Variants in PI4KA observed in about 807,000 individuals in gnomAD.
PI4KA encodes the protein PI4-kinase alpha.
In PI4KA, 122 loss-of-function variants were observed where a neutral mutation model predicts 271.4. The ratio of observed to expected loss-of-function variants is 0.45; its 90% CI spans 0.39 to 0.52. The LOEUF (loss-of-function observed/expected upper bound fraction) is 0.52. Among genes scored for constraint, PI4KA ranks in the 20% least tolerant of loss-of-function variants. PI4KA has a pLI of 0.00. For missense variants in PI4KA, 1,969 were observed against 2,769.1 expected, an observed-to-expected ratio of 0.71 and a Z score of 6.48; for synonymous variants, 1,041 against 1,078.8, an observed-to-expected ratio of 0.96 and a Z score of 0.69.
At chr22:20,732,727 A>G (rs1244221767) in intron 36 of PI4KA, among the ~76,000 whole-genome samples, 1 of 152,156 alleles carries the variant, frequency 6.6e-6, no homozygotes, top group African/African-American at 2.4e-5. Flanking sequence ...CAGTGCAGGG[A>G]AAGTGCGGTG....
chr22:20,772,472 A>G (rs1932920276), intron 19 of PI4KA, among the ~76,000 whole-genome samples: 1 of 152,238 alleles, frequency 6.6e-6, no homozygotes, highest in South Asian at 2.1e-4. Flanking sequence ...TATGTGACAG[A>G]TGAAGGCTCT....
At chr22:20,792,771 T>C (rs553712439) in intron 19 of PI4KA, among the ~76,000 whole-genome samples, 1 of 152,266 alleles carries the variant, frequency 6.6e-6, no homozygotes, top group East Asian at 1.9e-4. Context: ...ACTGGGGCCA[T>C]AGCTCCGAGG....
chr22:20,818,412 T>C (rs1482075359), intron 7 of PI4KA, 71 bp downstream of exon 7: 3 of 1,157,442 alleles, frequency 2.6e-6, no homozygotes, highest in African/African-American at 1.6e-5. Context: ...ATCCTTAATA[T>C]CACGAGAAGT....
At chr22:20,818,598 CCATCAGATTTGTCTTAGACAAGGTCCT>C in intron 6 of PI4KA, 49 bp from the exon 7 acceptor site, 1 of 1,401,758 alleles carries the variant, frequency 7.1e-7, no homozygotes, top group Non-Finnish European at 9.6e-7. Flanking sequence ...AGTGAGACCT[CCATCAGATTTGTCTTAGACAAGGTCCT>C]CTCTGCCAGC....
chr22:20,805,065 C>A lies in PI4KA; in HGVS notation c.1269G>T (p.Arg423=). The change falls in exon 11 of 55, where the codon CGG becomes CGT. Residue 423 remains arginine, a synonymous_variant. Coordinates refer to ENST00000255882, the MANE Select transcript of PI4KA (RefSeq NM_058004.4). ...ELQKILHDAD[R]IHNELSPLKL... is the part of the protein sequence containing the mutation. ...TGAGGGGGCTCAGCTCATTGTGGAT[C>A]CGGTCTGCGTCATGTAGAATCTTCT... 3 of 1,614,132 alleles carry A rather than the reference C, an allele frequency of 1.9e-6. No homozygotes were observed. The highest frequency in any genetic ancestry group is 2.5e-6 in the Non-Finnish European group (3 of 1,179,968).
At position 20,792,663 on chromosome 22, in the gene PI4KA, C is replaced by T. The variant is rs111931411; in HGVS notation, c.2328+530G>A. The stretch of plus-strand genomic sequence containing the variant: ...TCATTTGGGAAGAAGCGGACCCAAG[C>T]TGGGACAGGACAGGATGGAAACAGG... On this transcript the variant is annotated intron_variant, in intron 19 of 54. Transcript: ENST00000255882. Among the ~76,000 whole-genome samples, 1,117 of 152,308 alleles carry T rather than the reference C, an allele frequency of 7.3e-3. 11 individuals carry two copies. The highest frequency in any genetic ancestry group is 0.025 in the African/African-American group (1,040 of 41,564).
chr22:20,767,578 T>C (rs1053876657), intron 19 of PI4KA, among the ~76,000 whole-genome samples: 3 of 151,912 alleles, frequency 2.0e-5, no homozygotes, highest in Admixed American at 6.6e-5. Context: ...TCCTCCCACC[T>C]CAGCCTTCCC....
chr22:20,841,108 T>C (rs1205814210), intron 1 of PI4KA, among the ~76,000 whole-genome samples: 2 of 152,090 alleles, frequency 1.3e-5, no homozygotes, highest in African/African-American at 4.8e-5. Context: ...TCGAACTCCT[T>C]ATCTCAGGTG....
chr22:20,721,149 A>T lies in PI4KA; in HGVS notation c.5116+149T>A, dbSNP rs1926686871. The T allele has an allele frequency of 1.7e-5, 13 of 776,402 alleles. No homozygotes were observed. The East Asian group carries it at 3.2e-4, about 19-fold the overall frequency. 48.1% of individuals were successfully genotyped at this position (776,402 alleles called of 1,614,324 possible). A position where few individuals can be genotyped will look rare whatever the true frequency, so the allele number is the denominator to read the frequency against. ...GGGGTCCTGCTCCCCTGTGTGCTGA[A>T]AGGTGAGAAGTGCCCCAGCAAAGGG... On this transcript the variant is annotated intron_variant, in intron 43 of 54. Transcript: ENST00000255882.
At chr22:20,818,630 G>T in intron 6 of PI4KA, 81 bp from the exon 7 acceptor site, 2 of 1,055,482 alleles carry the variant, frequency 1.9e-6, no homozygotes, top group Non-Finnish European at 2.7e-6. Context: ...GGTCCTCTCT[G>T]CCAGCCCAAT....
intron 23 of PI4KA, among the ~76,000 whole-genome samples, chr22:20,759,397 C>CTTTTATTTTTTTT (rs1931708787): frequency 8.0e-6 from 1 of 125,402 alleles, no homozygotes; most frequent in Non-Finnish European, 1.7e-5. Flanking sequence ...TTTTTCTTTT[C>CTTTTATTTTTTTT]TTTTCTTTTT....
chr22:20,731,614 T>C (rs574756534), intron 36 of PI4KA, among the ~76,000 whole-genome samples: 60 of 152,232 alleles, frequency 3.9e-4, no homozygotes, highest in South Asian at 3.1e-3. Flanking sequence ...GCCAATATGG[T>C]GAAGCCCTGT....
intron 19 of PI4KA, chr22:20,786,861 T>C (rs1224338824): frequency 1.9e-6 from 3 of 1,614,116 alleles, no homozygotes; most frequent in East Asian, 2.2e-5. Context: ...CTGACAACTT[T>C]CCTTTCCAAA....
intron 4 of PI4KA, among the ~76,000 whole-genome samples, chr22:20,821,856 A>C (rs1019406603): frequency 6.6e-6 from 1 of 152,184 alleles, no homozygotes; most frequent in African/African-American, 2.4e-5. Flanking sequence ...CGGCCTCCCA[A>C]GGTACTGGGA....
chr22:20,784,371 G>C, intron 19 of PI4KA: 1 of 1,277,352 alleles, frequency 7.8e-7, no homozygotes. Context: ...CTTCCATACA[G>C]GGCCACTCTG....
chr22:20,801,896 T>G (rs1490620252), intron 14 of PI4KA, 77 bp downstream of exon 14: 1 of 1,491,082 alleles, frequency 6.7e-7, no homozygotes, highest in Admixed American at 1.8e-5. Context: ...AAAAAAGAAG[T>G]ATAAATGTCT....
chr22:20,763,923 C>T (rs994173211), intron 22 of PI4KA, among the ~76,000 whole-genome samples: 4 of 152,094 alleles, frequency 2.6e-5, no homozygotes, highest in African/African-American at 9.7e-5. Context: ...AGCACTCTGC[C>T]TTTCTTTTAT....
In PI4KA at chr22:20,709,945, G is replaced by A. The variant is rs756800023; in HGVS notation, c.6136C>T (p.Leu2046=). The change falls in exon 53 of 55, where the codon CTG becomes TTG. Residue 2046 remains leucine (L), a synonymous_variant. Transcript: ENST00000255882. ...ATTGTCTGGCCGCGAAAACAGGGCA[G>A]GCCCGTGTCCAACATGAGAGTGACC... ...SLVTLMLDTG[L]PCFRGQTIKL... The A allele has an allele frequency of 1.2e-5, 20 of 1,613,428 alleles. No homozygotes were observed. The highest frequency in any genetic ancestry group is 3.3e-5 in the Admixed American group (2 of 59,998).
Position 20,753,148 on chromosome 22 carries a change from T to C in PI4KA, c.2824A>G (p.Lys942Glu), listed in dbSNP as rs756603529. The C allele has an allele frequency of 3.7e-6, 6 of 1,613,384 alleles. No individual in the cohort carries two copies. The African/African-American group carries it at 4.0e-5, about 11-fold the overall frequency. ...ATGTTCAGGAAGGCATCGAATACTT[T>C]GTCCGCGACTGCAATCACACACTGC... Reference protein sequence around the residue: ...MMQCVIAVADKVFDAFLNMMA... With the variant: ...MMQCVIAVADEVFDAFLNMMA... The change falls in exon 24 of 55, where the codon AAA becomes GAA. Residue 942 changes from lysine (K) to glutamate (E), a missense_variant. Transcript: ENST00000255882.
Sources: allele counts gnomAD v4.1 joint callset (sites outside exome capture counted in the v4.1 genomes callset), GRCh38; gene constraint gnomAD v4.1.1; transcripts MANE v1.5; gene names NCBI Gene and HGNC (gene_info 2026-07-23, HGNC 2026-07-21).